RPS6KC1: variants seen among roughly 807,000 people sequenced by gnomAD.
RPS6KC1 encodes the protein ribosomal protein S6 kinase C1, also known as inactive ribosomal protein S6 kinase delta-1.
RPS6KC1 carries 54 observed loss-of-function variants against 103.8 expected under a neutral mutation model. The observed-to-expected ratio is 0.52, with a 90% CI of 0.42 to 0.65. The LOEUF (loss-of-function observed/expected upper bound fraction) is 0.65. Ranked by LOEUF, RPS6KC1 falls within the 30% of genes least tolerant of loss-of-function variation. The probability of loss-of-function intolerance (pLI) is 0.00; values close to 1 mark genes in which losing one functional copy is unlikely to be tolerated. For synonymous variants in RPS6KC1, 439 were observed against 438.7 expected (o/e 1.00, Z -0.01); for missense variants, 1,151 against 1,253.8 (o/e 0.92, Z 1.24).
At chr1:213,499,437 G>C in the RPS6KC1 span, among the ~76,000 whole-genome samples, 1 of 152,130 alleles carries the variant, frequency 6.6e-6, no homozygotes, top group African/African-American at 2.4e-5. Context: ...GGAAGTTGGG[G>C]GATGGTTTTG....
At chr1:213,158,371 G>T (rs951534192) in intron 6 of RPS6KC1, among the ~76,000 whole-genome samples, 3 of 152,156 alleles carry the variant, frequency 2.0e-5, no homozygotes, top group African/African-American at 7.2e-5. Context: ...CTAGGGCTCT[G>T]TTCAGTTTTG....
chr1:213,385,999 C>A, the RPS6KC1 span, among the ~76,000 whole-genome samples: 2 of 152,180 alleles, frequency 1.3e-5, no homozygotes, highest in African/African-American at 4.8e-5. Context: ...TGCCCCTAAA[C>A]CTCATGTTGA....
the RPS6KC1 span, among the ~76,000 whole-genome samples, chr1:213,425,184 G>C: frequency 3.3e-5 from 5 of 152,070 alleles, no homozygotes; most frequent in African/African-American, 1.2e-4. Flanking sequence ...AGGAACAAAT[G>C]GTTGACAAAT....
the RPS6KC1 span, among the ~76,000 whole-genome samples, chr1:213,374,004 A>G: frequency 6.6e-6 from 1 of 152,142 alleles, no homozygotes; most frequent in East Asian, 1.9e-4. Flanking sequence ...CTGACTGGTA[A>G]TATAGGGAAT....
chr1:213,236,166 C>A (rs2094216378), intron 10 of RPS6KC1, among the ~76,000 whole-genome samples: 1 of 152,118 alleles, frequency 6.6e-6, no homozygotes, highest in South Asian at 2.1e-4. Flanking sequence ...AACAGTTTCA[C>A]CCCAAAACAC....
chr1:213,381,712 C>CT, the RPS6KC1 span, among the ~76,000 whole-genome samples: 1 of 151,940 alleles, frequency 6.6e-6, no homozygotes, highest in East Asian at 1.9e-4. Context: ...CTGTAACTAT[C>CT]TAAGTTATTG....
At chr1:213,840,419 A>AT in the RPS6KC1 span, 1 of 152,118 alleles carries the variant, frequency 6.6e-6, no homozygotes, top group Non-Finnish European at 1.5e-5. Flanking sequence ...CTGAGTTTAT[A>AT]TTTTTATATG....
the RPS6KC1 span, among the ~76,000 whole-genome samples, chr1:213,826,627 T>C: frequency 6.6e-6 from 1 of 152,208 alleles, no homozygotes; most frequent in Admixed American, 6.5e-5. Flanking sequence ...AAACCAAGTG[T>C]GGGCCCCTTC....
chr1:213,216,282 A>G (rs1255832824), intron 8 of RPS6KC1, among the ~76,000 whole-genome samples: 1 of 152,150 alleles, frequency 6.6e-6, no homozygotes, highest in African/African-American at 2.4e-5. Context: ...AGACAAGGCC[A>G]TTACATAATG....
At chr1:213,521,666 ATTC>A in the RPS6KC1 span, among the ~76,000 whole-genome samples, 3 of 152,242 alleles carry the variant, frequency 2.0e-5, no homozygotes, top group South Asian at 6.2e-4. Context: ...AATATTTTAA[ATTC>A]TTGTTGTTAT....
At chr1:213,580,934 T>C in the RPS6KC1 span, among the ~76,000 whole-genome samples, 2 of 152,100 alleles carry the variant, frequency 1.3e-5, no homozygotes, top group Non-Finnish European at 2.9e-5. Context: ...ATTTGCTTTA[T>C]TGTGATGGTC....
chr1:213,836,169 A>T, the RPS6KC1 span: 2 of 152,130 alleles, frequency 1.3e-5, no homozygotes, highest in South Asian at 4.1e-4. Context: ...TTTTATAAAA[A>T]ATAGTATCAA....
chr1:213,151,887 C>T (rs1332948136), intron 6 of RPS6KC1, among the ~76,000 whole-genome samples: 2 of 122,728 alleles, frequency 1.6e-5, no homozygotes, highest in South Asian at 2.7e-4. Context: ...GGCTGATCCC[C>T]CAACCTCCCT....
chr1:213,852,825 A>T, the RPS6KC1 span, among the ~76,000 whole-genome samples: 25 of 152,320 alleles, frequency 1.6e-4, no homozygotes, highest in African/African-American at 5.8e-4. Context: ...GGCACAGAGA[A>T]AGAATATCTA....
At chr1:213,396,364 C>G in the RPS6KC1 span, among the ~76,000 whole-genome samples, 1 of 152,170 alleles carries the variant, frequency 6.6e-6, no homozygotes, top group Non-Finnish European at 1.5e-5. Context: ...CCTGCCCAGT[C>G]TCTCCCTCTC....
chr1:213,160,057 A>G (rs1426272397), intron 6 of RPS6KC1, among the ~76,000 whole-genome samples: 1 of 152,198 alleles, frequency 6.6e-6, no homozygotes, highest in African/African-American at 2.4e-5. Context: ...ATAGCTTATT[A>G]TATCTTTATA....
the RPS6KC1 span, among the ~76,000 whole-genome samples, chr1:213,502,207 T>C: frequency 6.6e-6 from 1 of 152,218 alleles, no homozygotes; most frequent in Admixed American, 6.5e-5. Flanking sequence ...CAAAAGAGTC[T>C]GGGAAAATGG....
chr1:213,730,293 C>T, the RPS6KC1 span, among the ~76,000 whole-genome samples: 2 of 152,130 alleles, frequency 1.3e-5, no homozygotes, highest in African/African-American at 2.4e-5. Flanking sequence ...TACTCAGTAA[C>T]AGGATTGCTG....
the RPS6KC1 span, among the ~76,000 whole-genome samples, chr1:213,521,338 T>G: frequency 1.3e-5 from 2 of 152,342 alleles, no homozygotes; most frequent in African/African-American, 4.8e-5. Flanking sequence ...GCACAAACTT[T>G]AATTAAAAAA....
Sources: allele counts gnomAD v4.1 joint callset (sites outside exome capture counted in the v4.1 genomes callset), GRCh38; gene constraint gnomAD v4.1.1; transcripts MANE v1.5; gene names NCBI Gene and HGNC (gene_info 2026-07-23, HGNC 2026-07-21).